The following CSMD1 variants were observed in gnomAD, a reference collection of about 807,000 sequenced individuals.
The protein encoded by CSMD1 is CUB and sushi domain-containing protein 1.
CSMD1 carries 213 observed loss-of-function variants against 417.5 expected under a neutral mutation model. The observed-to-expected ratio is 0.51, with a 90% CI of 0.46 to 0.57. The LOEUF (loss-of-function observed/expected upper bound fraction) is 0.57. Ranked by LOEUF, CSMD1 falls within the 20% of genes least tolerant of loss-of-function variation. The pLI, the probability that CSMD1 is intolerant of heterozygous loss-of-function variation, is 0.00. For missense variants in CSMD1, 6,923 were observed against 4,529.7 expected, an observed-to-expected ratio of 1.53 and a Z score of -15.17; for synonymous variants, 2,862 against 1,736.8, an observed-to-expected ratio of 1.65 and a Z score of -16.11.
At chr8:3,460,674 A>C (rs943723318) in intron 12 of CSMD1, among the ~76,000 whole-genome samples, 1 of 152,210 alleles carries the variant, frequency 6.6e-6, no homozygotes, top group Non-Finnish European at 1.5e-5. Flanking sequence ...ATTCGTGGAG[A>C]AAAAGAGAAC....
intron 2 of CSMD1, among the ~76,000 whole-genome samples, chr8:4,631,890 T>C (rs900918972): frequency 1.3e-5 from 2 of 152,172 alleles, no homozygotes; most frequent in African/African-American, 2.4e-5. Flanking sequence ...TAATCATGAA[T>C]TAATATATCC....
intron 1 of CSMD1, among the ~76,000 whole-genome samples, chr8:4,924,413 T>C (rs1806712721): frequency 6.6e-6 from 1 of 152,170 alleles, no homozygotes; most frequent in Admixed American, 6.5e-5. Context: ...ATAAAAGATG[T>C]AATAGTAAAC....
chr8:3,665,976 C>T (rs10086132), intron 7 of CSMD1, among the ~76,000 whole-genome samples: 60,773 of 151,996 alleles, frequency 0.4, 12,376 homozygotes, highest in Admixed American at 0.53. Context: ...CTGCCAGATT[C>T]AAGTGATTTT....
At chr8:3,279,530 C>T (rs986921203) in intron 26 of CSMD1, among the ~76,000 whole-genome samples, 2 of 152,070 alleles carry the variant, frequency 1.3e-5, no homozygotes, top group African/African-American at 2.4e-5. Flanking sequence ...ATGACAATCC[C>T]AGTGGGATAA....
intron 2 of CSMD1, among the ~76,000 whole-genome samples, chr8:4,447,641 T>A (rs184969171): frequency 1.3e-5 from 2 of 152,252 alleles, no homozygotes; most frequent in East Asian, 3.9e-4. Context: ...GTCGACAGGT[T>A]TACGGAAAAG....
intron 10 of CSMD1, among the ~76,000 whole-genome samples, chr8:3,543,336 G>T (rs192330509): frequency 4.2e-4 from 64 of 152,276 alleles, no homozygotes; most frequent in African/African-American, 1.5e-3. Flanking sequence ...AAAAGTCACT[G>T]GGGATTTTGA....
chr8:3,713,156 C>G (rs1801625851), intron 6 of CSMD1, among the ~76,000 whole-genome samples: 2 of 152,056 alleles, frequency 1.3e-5, no homozygotes, highest in Admixed American at 1.3e-4. Context: ...GCTGAAAAAT[C>G]AAAAACCACC....
chr8:4,007,150 A>G (rs573127198), intron 4 of CSMD1, among the ~76,000 whole-genome samples: 2 of 152,066 alleles, frequency 1.3e-5, no homozygotes, highest in Non-Finnish European at 2.9e-5. Flanking sequence ...GACTTTTACT[A>G]TTTCTCAGTG....
At chr8:4,763,523 A>G (rs964284859) in intron 1 of CSMD1, among the ~76,000 whole-genome samples, 15 of 152,106 alleles carry the variant, frequency 9.9e-5, no homozygotes, top group African/African-American at 3.6e-4. Context: ...TGTATCAACC[A>G]TTTTTCTATG....
rs986717785 is a variant in CSMD1 at position 4,544,098 on chromosome 8, T to C, written c.302+93244A>G. ...CTTGCCTTTTATTCTTTTAACATTG[T>C]CTTTCTTAGGGTTCTTAATTTGCAT... On this transcript the variant is annotated intron_variant, in intron 2 of 69. Transcript: ENST00000635120. Among the ~76,000 whole-genome samples, 8 of 152,202 alleles carry C rather than the reference T, an allele frequency of 5.3e-5. No homozygotes were observed. The South Asian group carries it at 1.7e-3, about 31-fold the overall frequency.
At position 4,143,758 on chromosome 8, in the gene CSMD1, G is replaced by C. The variant is rs187952329; in HGVS notation, c.416-111659C>G. Among the ~76,000 whole-genome samples, 7 of 151,328 alleles carry C rather than the reference G, an allele frequency of 4.6e-5. 2 individuals are homozygous for C. The highest frequency in any genetic ancestry group is 4.2e-4 in the South Asian group (2 of 4,818). On this transcript the variant is annotated intron_variant, in intron 3 of 69. Transcript: ENST00000635120. ...GCTGTGAAAGGGGGGATTTATTAAAGCCAGAAAGCACTTCACAGGGTGGGA... is the reference window on the plus strand; with the variant it reads ...GCTGTGAAAGGGGGGATTTATTAAACCCAGAAAGCACTTCACAGGGTGGGA...
At chr8:4,387,695 C>G (rs1272220785) in intron 3 of CSMD1, among the ~76,000 whole-genome samples, 1 of 151,326 alleles carries the variant, frequency 6.6e-6, no homozygotes, top group African/African-American at 2.4e-5. Context: ...AAAGAGACAG[C>G]CTTGAGGCAA....
At chr8:4,626,170 G>C (rs1476691162) in intron 2 of CSMD1, among the ~76,000 whole-genome samples, 1 of 152,136 alleles carries the variant, frequency 6.6e-6, no homozygotes, top group Admixed American at 6.5e-5. Context: ...GAAGTTTTCA[G>C]CAGGCCAAGG....
At chr8:4,545,521 A>G (rs1659502080) in intron 2 of CSMD1, among the ~76,000 whole-genome samples, 1 of 149,806 alleles carries the variant, frequency 6.7e-6, no homozygotes, top group South Asian at 2.1e-4. Context: ...TCACGACCCT[A>G]CGAAAGAATC....
intron 1 of CSMD1, among the ~76,000 whole-genome samples, chr8:4,821,679 C>G (rs1184411184): frequency 6.6e-6 from 1 of 152,032 alleles, no homozygotes; most frequent in Non-Finnish European, 1.5e-5. Flanking sequence ...ACTCTGATTC[C>G]TTTGAAGAAA....
intron 3 of CSMD1, among the ~76,000 whole-genome samples, chr8:4,099,833 G>C (rs142078954): frequency 1.3e-4 from 20 of 152,148 alleles, no homozygotes; most frequent in African/African-American, 4.1e-4. Context: ...TCCACATCTT[G>C]CTCCCTTAGA....
chr8:4,644,100 A>T lies in CSMD1; in HGVS notation c.86-6542T>A, dbSNP rs80036584. On this transcript the variant is annotated intron_variant, in intron 1 of 69. Coordinates refer to ENST00000635120, the MANE Select transcript of CSMD1 (RefSeq NM_033225.6). The stretch of plus-strand genomic sequence containing the variant: ...CCAAGGAATCGATTTCTCACTGTGG[A>T]GTCTTTGCCCATGAGCAAGGCCTTG... Among the ~76,000 whole-genome samples the T allele has an allele frequency of 6.6e-3, 1,002 of 152,290 alleles. 4 individuals carry two copies. Among genetic ancestry groups the T allele is most frequent in the Non-Finnish European group, 0.011 (767 of 68,016 alleles).
At chr8:4,583,482 T>C (rs908991782) in intron 2 of CSMD1, among the ~76,000 whole-genome samples, 1 of 151,372 alleles carries the variant, frequency 6.6e-6, no homozygotes, top group Non-Finnish European at 1.5e-5. Context: ...TGGAGAACCT[T>C]TATGTCTAGC....
chr8:4,694,776 C>T (rs1438028922), intron 1 of CSMD1, among the ~76,000 whole-genome samples: 1 of 152,142 alleles, frequency 6.6e-6, no homozygotes, highest in East Asian at 1.9e-4. Flanking sequence ...GAGGCTGTGT[C>T]ACGGGACTGC....
Sources: gnomAD v4.1 joint callset for allele counts (sites outside exome capture counted in the v4.1 genomes callset) on GRCh38, gnomAD v4.1.1 for gene constraint, MANE v1.5 for transcripts, NCBI Gene and HGNC (gene_info 2026-07-23, HGNC 2026-07-21) for gene names.